Variants in CKAP2L observed in about 807,000 individuals in gnomAD.
CKAP2L encodes the protein cytoskeleton-associated protein 2-like.
A neutral mutation model predicts 65.7 loss-of-function variants in CKAP2L; 42 were observed. The ratio of observed to expected loss-of-function variants is 0.64; its 90% CI spans 0.50 to 0.83. The LOEUF (loss-of-function observed/expected upper bound fraction) is 0.83, where lower values mean the gene tolerates loss of function less well. Ranked by LOEUF, CKAP2L falls within the 40% of genes least tolerant of loss-of-function variation. The pLI is 0.00. For synonymous variants in CKAP2L, 325 were observed against 313.5 expected (o/e 1.04, Z -0.39); for missense variants, 908 against 871.0 (o/e 1.04, Z -0.53).
chr2:112,749,872 G>A (rs1215806614), intron 5 of CKAP2L, among the ~76,000 whole-genome samples: 1 of 152,188 alleles, frequency 6.6e-6, no homozygotes, highest in Non-Finnish European at 1.5e-5. Context: ...AGGCTGCAGG[G>A]ATGGAGAAGG....
chr2:112,760,462 A>G (rs561278526), intron 3 of CKAP2L, among the ~76,000 whole-genome samples: 23 of 152,376 alleles, frequency 1.5e-4, no homozygotes, highest in African/African-American at 5.3e-4. Flanking sequence ...CACAGTAAGC[A>G]TTCAATAAAT....
chr2:112,756,379 G>C lies in CKAP2L; in HGVS notation c.992C>G (p.Thr331Ser), dbSNP rs1482117013. The change falls in exon 4 of 9, where the codon ACC becomes AGC. Residue 331 changes from threonine to serine, a missense_variant. By Grantham distance (58) the Thr-to-Ser change is moderately conservative (BLOSUM62 1). Coordinates refer to ENST00000302450, the MANE Select transcript of CKAP2L (RefSeq NM_152515.5). ...YPVTEQRVKH[T>S]KPRTYPSLLQ... The stretch of plus-strand genomic sequence containing the variant: ...CAAACTGGGGTATGTTCTGGGTTTG[G>C]TGTGCTTCACTCTCTGTTCAGTAAC... 6.8e-6 allele frequency: 11 copies of C among 1,613,902 alleles called. No homozygotes were observed. The highest frequency in any genetic ancestry group is 9.3e-6 in the Non-Finnish European group (11 of 1,179,944).
chr2:112,759,636 C>T (rs1389365332), intron 3 of CKAP2L, among the ~76,000 whole-genome samples: 1 of 152,136 alleles, frequency 6.6e-6, no homozygotes, highest in Non-Finnish European at 1.5e-5. Flanking sequence ...GTTCAATCTG[C>T]ATAAAGTAAA....
chr2:112,764,347 G>A (rs1323441785), intron 1 of CKAP2L, among the ~76,000 whole-genome samples: 1 of 152,226 alleles, frequency 6.6e-6, no homozygotes, highest in Non-Finnish European at 1.5e-5. Flanking sequence ...AAATACGCCC[G>A]TGAGGTATCT....
intron 4 of CKAP2L, among the ~76,000 whole-genome samples, chr2:112,754,539 A>G (rs1489617972): frequency 6.6e-6 from 1 of 152,178 alleles, no homozygotes; most frequent in Non-Finnish European, 1.5e-5. Flanking sequence ...CGATGCCATA[A>G]TTTTGTTTCT....
intron 1 of CKAP2L, 62 bp downstream of exon 1, chr2:112,764,500 C>T: frequency 1.9e-6 from 3 of 1,570,292 alleles, no homozygotes; most frequent in Non-Finnish European, 2.6e-6. Context: ...CACTCGGTGG[C>T]CTCCTACTTC....
chr2:112,742,696 A>C lies in CKAP2L; in HGVS notation c.1822+10T>G. ...AGAGAAGATGAATTTAAATTCAAAA[A>C]TAATAGTACCTTCTGTGGTTCTGTT... On this transcript the variant is annotated intron_variant, in intron 7 of 8. Coordinates refer to ENST00000302450, the MANE Select transcript of CKAP2L (RefSeq NM_152515.5). The C allele has an allele frequency of 6.4e-7, 1 of 1,552,862 alleles. No homozygotes were observed. Among genetic ancestry groups the C allele is most frequent in the Non-Finnish European group, 8.8e-7 (1 of 1,132,548 alleles).
intron 8 of CKAP2L, among the ~76,000 whole-genome samples, chr2:112,740,229 G>A (rs72950390): frequency 0.012 from 1,845 of 152,212 alleles, 39 homozygotes; most frequent in African/African-American, 0.043. Context: ...GTTTAGGATT[G>A]GAAGAGATTC....
chr2:112,742,754 G>A lies in CKAP2L; in HGVS notation c.1774C>T (p.Arg592Trp), dbSNP rs561549815. 1.3e-5 allele frequency: 21 copies of A among 1,608,332 alleles called. No homozygotes were observed. The highest frequency in any genetic ancestry group is 3.3e-4 in the Middle Eastern group (2 of 6,028). Residue 592 changes from arginine to tryptophan, a missense_variant, in exon 7 of 9, where the codon CGG becomes TGG. Coordinates refer to ENST00000302450, the MANE Select transcript of CKAP2L (RefSeq NM_152515.5). ...TGCAAGATATTAAGAACAACTTTCC[G>A]CAACTCTTGTATTGGCTGGAAGGAA... Reference protein sequence around the residue: ...KNGATPIQELRKVVLNILQDS... With the variant: ...KNGATPIQELWKVVLNILQDS...
Position 112,757,233 on chromosome 2 carries a change from T to C in CKAP2L, c.157-19A>G, listed in dbSNP as rs1230543293. 1.3e-6 allele frequency: 2 copies of C among 1,519,056 alleles called. No individual in the cohort carries two copies. Among genetic ancestry groups the C allele is most frequent in the South Asian group, 1.2e-5 (1 of 82,122 alleles). The allele number at this position is 1,519,056 out of a possible 1,614,324, so 94.1% of individuals were successfully genotyped here. On this transcript the variant is annotated intron_variant, in intron 3 of 8. Transcript: ENST00000302450. ...TAATAGTCTGAAAAAACAAAGAAAATACATATTAAAAAATCCTTAACATAT... is the reference window on the plus strand; with the variant it reads ...TAATAGTCTGAAAAAACAAAGAAAACACATATTAAAAAATCCTTAACATAT...
chr2:112,749,801 TAA>T (rs1223882260), intron 5 of CKAP2L, among the ~76,000 whole-genome samples: 3 of 152,292 alleles, frequency 2.0e-5, no homozygotes, highest in South Asian at 2.1e-4. Context: ...TAAAACTCTG[TAA>T]AACTTTCTGC....
Position 112,738,001 on chromosome 2 carries a change from A to G in CKAP2L, c.*822T>C, listed in dbSNP as rs1679454911. The G allele has an allele frequency of 1.3e-5, 2 of 152,200 alleles. No homozygotes were observed. The highest frequency in any genetic ancestry group is 2.9e-5 in the Non-Finnish European group (2 of 68,040). 9.4% of individuals were successfully genotyped at this position (152,200 alleles called of 1,614,324 possible). On this transcript the variant is annotated 3_prime_UTR_variant, in exon 9 of 9. Coordinates refer to ENST00000302450, the MANE Select transcript of CKAP2L (RefSeq NM_152515.5). ...TGACTAAGGTAAAACCTTTCCACAA[A>G]TAGTTGCCCAGGAGGAAGAAAAAGC...
chr2:112,742,385 T>G lies in CKAP2L; in HGVS notation c.1822+321A>C, dbSNP rs1365936619. 3 of 717,500 alleles carry G rather than the reference T, an allele frequency of 4.2e-6. No individual in the cohort carries two copies. The Admixed American group carries it at 6.0e-5, about 14-fold the overall frequency. 44.4% of individuals were successfully genotyped at this position (717,500 alleles called of 1,614,324 possible). On this transcript the variant is annotated intron_variant, in intron 7 of 8. Transcript: ENST00000302450. ...GGTTTATTATGATTAAACATGTAAC[T>G]TAAGGCATTTCTCCTTTCTGCCTCA...
At chr2:112,753,530 T>TC (rs1422132019) in intron 4 of CKAP2L, among the ~76,000 whole-genome samples, 6 of 137,356 alleles carry the variant, frequency 4.4e-5, no homozygotes, top group South Asian at 4.5e-4. Context: ...TCTTTTCTTT[T>TC]TTTTTTTTTT....
chr2:112,757,149 G>A lies in CKAP2L; in HGVS notation c.222C>T (p.Ile74=), dbSNP rs77207496. ...VVLPVKPKRS[I]SIKLQPRPPN... The stretch of plus-strand genomic sequence containing the variant: ...GTGGTCTGGGCTGGAGTTTAATGCT[G>A]ATGGACCTTTTAGGTTTGACAGGCA... Residue 74 remains isoleucine (I), a synonymous_variant, in exon 4 of 9, where the codon ATC becomes ATT. Coordinates refer to ENST00000302450, the MANE Select transcript of CKAP2L (RefSeq NM_152515.5). 653 of 1,613,894 alleles carry A rather than the reference G, an allele frequency of 4.0e-4. 1 individual carries two copies. The African/African-American group carries it at 7.7e-3, about 19-fold the overall frequency.
chr2:112,753,858 C>T (rs1055642180), intron 4 of CKAP2L, among the ~76,000 whole-genome samples: 2 of 152,080 alleles, frequency 1.3e-5, no homozygotes, highest in African/African-American at 2.4e-5. Context: ...AGACTCATTC[C>T]TGCCTTAAGG....
At chr2:112,755,668 T>G (rs2104882043) in intron 4 of CKAP2L, among the ~76,000 whole-genome samples, 1 of 152,248 alleles carries the variant, frequency 6.6e-6, no homozygotes, top group Admixed American at 6.5e-5. Flanking sequence ...AGCACGGCAC[T>G]TATTGAACGA....
chr2:112,754,632 G>A (rs1052253952), intron 4 of CKAP2L, among the ~76,000 whole-genome samples: 2 of 152,284 alleles, frequency 1.3e-5, no homozygotes, highest in African/African-American at 2.4e-5. Flanking sequence ...GTCTCCTAGC[G>A]CCTGGCACAC....
intron 4 of CKAP2L, 105 bp from the exon 5 acceptor site, chr2:112,752,579 T>A: frequency 1.4e-6 from 1 of 719,184 alleles, no homozygotes. Context: ...TACTTTCAAC[T>A]ACAGACAAAA....
Sources: gnomAD v4.1 joint callset for allele counts (sites outside exome capture counted in the v4.1 genomes callset) on GRCh38, gnomAD v4.1.1 for gene constraint, MANE v1.5 for transcripts, NCBI Gene and HGNC (gene_info 2026-07-23, HGNC 2026-07-21) for gene names.